Variants in CDH13 observed in about 807,000 individuals in gnomAD.
CDH13 encodes the protein cadherin 13.
Under a neutral mutation model 63.8 loss-of-function variants are expected in CDH13, and 24 were observed. The ratio of observed to expected loss-of-function variants is 0.38; its 90% CI spans 0.27 to 0.53. The LOEUF (loss-of-function observed/expected upper bound fraction) is 0.53, where lower values mean the gene tolerates loss of function less well. Ranked by LOEUF, CDH13 falls within the 20% of genes least tolerant of loss-of-function variation. The probability of loss-of-function intolerance (pLI) is 0.85; values close to 1 mark genes in which losing one functional copy is unlikely to be tolerated. For missense variants in CDH13, 1,049 were observed against 903.1 expected (o/e 1.16, Z -2.07); for synonymous variants, 503 against 355.3 (o/e 1.42, Z -4.67).
intron 5 of CDH13, among the ~76,000 whole-genome samples, chr16:83,220,384 T>C (rs2039661767): frequency 1.3e-5 from 2 of 152,222 alleles, no homozygotes. Context: ...ATTTTAGTAG[T>C]ACAGCTAGAT....
At chr16:83,695,487 G>A (rs1905283347) in intron 10 of CDH13, among the ~76,000 whole-genome samples, 1 of 152,162 alleles carries the variant, frequency 6.6e-6, no homozygotes, top group Non-Finnish European at 1.5e-5. Flanking sequence ...ACAACCTGGT[G>A]GACTAGGCGA....
At chr16:83,448,147 G>C (rs1291209032) in intron 6 of CDH13, among the ~76,000 whole-genome samples, 4 of 152,178 alleles carry the variant, frequency 2.6e-5, no homozygotes, top group African/African-American at 9.7e-5. Context: ...GTAGGTGATA[G>C]TGGAGCTGAG....
intron 5 of CDH13, among the ~76,000 whole-genome samples, chr16:83,261,926 C>T (rs1242142061): frequency 6.6e-6 from 1 of 152,122 alleles, no homozygotes; most frequent in African/African-American, 2.4e-5. Flanking sequence ...TGTGAGTTCC[C>T]TCCCTTTGCT....
At chr16:82,852,811 G>A (rs2039547262) in intron 1 of CDH13, among the ~76,000 whole-genome samples, 1 of 152,144 alleles carries the variant, frequency 6.6e-6, no homozygotes, top group African/African-American at 2.4e-5. Context: ...TTAACTTGAT[G>A]ACAGACTTCT....
intron 1 of CDH13, among the ~76,000 whole-genome samples, chr16:82,628,343 G>A (rs1013021379): frequency 3.3e-5 from 5 of 152,150 alleles, no homozygotes; most frequent in African/African-American, 7.2e-5. Context: ...GTTCCTGGCC[G>A]GGGTAGAGGC....
At chr16:83,012,293 A>G (rs1470635181) in intron 2 of CDH13, among the ~76,000 whole-genome samples, 2 of 146,794 alleles carry the variant, frequency 1.4e-5, no homozygotes, top group South Asian at 2.2e-4. Flanking sequence ...TGTTAAAACA[A>G]TTTGGGGGTT....
intron 6 of CDH13, among the ~76,000 whole-genome samples, chr16:83,479,141 G>C (rs2073692036): frequency 6.6e-6 from 1 of 152,230 alleles, no homozygotes; most frequent in Non-Finnish European, 1.5e-5. Flanking sequence ...GCATGCATAT[G>C]TGCACTCAAC....
chr16:83,032,291 G>T (rs1236037793), intron 3 of CDH13, 73 bp downstream of exon 3: 13 of 1,139,392 alleles, frequency 1.1e-5, no homozygotes, highest in Non-Finnish European at 1.6e-5. Context: ...TGGAAAATGG[G>T]TCTTTAATTT....
Position 83,032,029 on chromosome 16 carries a change from G to A in CDH13, c.177G>A (p.Lys59=), listed in dbSNP as rs191402207. 1.3e-6 allele frequency: 2 copies of A among 1,597,448 alleles called. No individual in the cohort carries two copies. ...SILNLTFSDC[K]GNDKLRYEVS... ...TCCCAGTGACCTTCAGTGACTGTAA[G>A]GGAAACGACAAGCTACGCTATGAGG... Residue 59 remains lysine (K), a synonymous_variant, in exon 3 of 14, where the codon AAG becomes AAA. Coordinates refer to ENST00000567109, the MANE Select transcript of CDH13 (RefSeq NM_001257.5).
intron 1 of CDH13, among the ~76,000 whole-genome samples, chr16:82,669,859 C>G (rs1202408475): frequency 1.3e-5 from 2 of 152,214 alleles, no homozygotes; most frequent in African/African-American, 2.4e-5. Flanking sequence ...ACAAATGGAT[C>G]TCTATAAGGC....
At chr16:83,083,709 C>A (rs1208951121) in intron 3 of CDH13, among the ~76,000 whole-genome samples, 1 of 152,222 alleles carries the variant, frequency 6.6e-6, no homozygotes, top group Non-Finnish European at 1.5e-5. Flanking sequence ...GAGCCTCTAG[C>A]TATAAATGGA....
intron 1 of CDH13, among the ~76,000 whole-genome samples, chr16:82,749,318 T>C (rs999118748): frequency 4.6e-5 from 7 of 152,186 alleles, no homozygotes; most frequent in African/African-American, 1.7e-4. Flanking sequence ...ATGAGTTTGT[T>C]TGCATTACAT....
chr16:82,957,604 G>C (rs916454946), intron 2 of CDH13, among the ~76,000 whole-genome samples: 11 of 152,202 alleles, frequency 7.2e-5, no homozygotes, highest in Admixed American at 4.6e-4. Flanking sequence ...GAACAAACAT[G>C]CAGGGCAGTA....
Position 83,209,665 on chromosome 16 carries a change from C to T in CDH13, c.484-7680C>T, listed in dbSNP as rs544228321. On this transcript the variant is annotated intron_variant, in intron 4 of 13. Coordinates refer to ENST00000567109, the MANE Select transcript of CDH13 (RefSeq NM_001257.5). ...AATCAAGTGTCTTCTATGTTCCAAG[C>T]CCTGGGAATGTGAAAGAGAATAAGA... Among the ~76,000 whole-genome samples, 5 of 152,090 alleles carry T rather than the reference C, an allele frequency of 3.3e-5. No homozygotes were observed. In the East Asian group the frequency reaches 9.7e-4, roughly 29 times the overall value.
chr16:83,365,682 T>G (rs1006711470), intron 6 of CDH13, among the ~76,000 whole-genome samples: 2 of 152,108 alleles, frequency 1.3e-5, no homozygotes, highest in African/African-American at 4.8e-5. Flanking sequence ...CATGGGCCCT[T>G]TAAAGCAGAA....
At chr16:82,988,809 G>A (rs747946791) in intron 2 of CDH13, among the ~76,000 whole-genome samples, 14 of 151,842 alleles carry the variant, frequency 9.2e-5, no homozygotes, top group Non-Finnish European at 1.8e-4. Flanking sequence ...TTCAGGACCG[G>A]GACTGGATGC....
At chr16:83,610,341 TGACTTATTCAA>T (rs375156549) in intron 8 of CDH13, among the ~76,000 whole-genome samples, 10 of 152,338 alleles carry the variant, frequency 6.6e-5, no homozygotes, top group South Asian at 2.1e-4. Flanking sequence ...GCAGTTAATA[TGACTTATTCAA>T]GACTTATCAA....
chr16:83,290,738 C>A (rs151148512), intron 5 of CDH13, among the ~76,000 whole-genome samples: 3 of 152,148 alleles, frequency 2.0e-5, no homozygotes, highest in Non-Finnish European at 4.4e-5. Context: ...GTGTTCAGGG[C>A]CTTTCTCGGG....
chr16:82,978,823 G>A (rs1270440264), intron 2 of CDH13, among the ~76,000 whole-genome samples: 1 of 152,244 alleles, frequency 6.6e-6, no homozygotes, highest in Non-Finnish European at 1.5e-5. Context: ...GCACTGCTTA[G>A]TGGAGCTGTG....
Sources: gnomAD v4.1 joint callset for allele counts (sites outside exome capture counted in the v4.1 genomes callset) on GRCh38, gnomAD v4.1.1 for gene constraint, MANE v1.5 for transcripts, NCBI Gene and HGNC (gene_info 2026-07-23, HGNC 2026-07-21) for gene names.